Variants in UTRN observed in about 807,000 individuals in gnomAD.
UTRN encodes the protein dystrophin-related protein 1.
A neutral mutation model predicts 463.9 loss-of-function variants in UTRN; 283 were observed. The ratio of observed to expected loss-of-function variants is 0.61; its 90% CI spans 0.55 to 0.67. The LOEUF is 0.67. Among genes scored for constraint, UTRN ranks in the 30% least tolerant of loss-of-function variants. The probability of loss-of-function intolerance (pLI) is 0.00; values close to 1 mark genes in which losing one functional copy is unlikely to be tolerated. For synonymous variants in UTRN, 1,442 were observed against 1,431.5 expected, an observed-to-expected ratio of 1.01 and a Z score of -0.17; for missense variants, 3,922 against 4,084.3, an observed-to-expected ratio of 0.96 and a Z score of 1.08.
intron 53 of UTRN, among the ~76,000 whole-genome samples, chr6:144,703,431 C>T (rs963228459): frequency 6.6e-6 from 1 of 152,038 alleles, no homozygotes; most frequent in Non-Finnish European, 1.5e-5. Flanking sequence ...TATATCAGCC[C>T]TGGGATTGGA....
At chr6:144,823,707 T>C (rs1054735234) in intron 66 of UTRN, among the ~76,000 whole-genome samples, 1 of 152,058 alleles carries the variant, frequency 6.6e-6, no homozygotes, top group African/African-American at 2.4e-5. Flanking sequence ...AATAAATGAG[T>C]AGAGTTTGAT....
intron 34 of UTRN, among the ~76,000 whole-genome samples, chr6:144,509,138 C>A (rs780033766): frequency 1.3e-5 from 2 of 152,010 alleles, no homozygotes; most frequent in Non-Finnish European, 2.9e-5. Flanking sequence ...GAATTGATAT[C>A]TTTGTTATAT....
intron 42 of UTRN, among the ~76,000 whole-genome samples, chr6:144,531,646 A>G (rs1797069814): frequency 6.6e-6 from 1 of 152,170 alleles, no homozygotes; most frequent in Non-Finnish European, 1.5e-5. Flanking sequence ...CTGCTCATGT[A>G]AGTCTAATTC....
intron 51 of UTRN, among the ~76,000 whole-genome samples, chr6:144,604,511 G>T (rs1804612491): frequency 6.6e-6 from 1 of 152,078 alleles, no homozygotes; most frequent in African/African-American, 2.4e-5. Flanking sequence ...TTCAGCTAAT[G>T]GTGTGTTCTT....
intron 15 of UTRN, 94 bp downstream of exon 15, chr6:144,447,412 A>G: frequency 3.0e-6 from 4 of 1,354,256 alleles, no homozygotes; most frequent in Non-Finnish European, 4.1e-6. Context: ...AATGCAGATT[A>G]CAGCTCATTA....
At chr6:144,716,907 G>C (rs755597141) in intron 53 of UTRN, among the ~76,000 whole-genome samples, 6 of 152,118 alleles carry the variant, frequency 3.9e-5, no homozygotes, top group Non-Finnish European at 8.8e-5. Flanking sequence ...CCAGGTGTTG[G>C]AGATTTAAGT....
intron 50 of UTRN, among the ~76,000 whole-genome samples, chr6:144,568,681 C>A (rs1397910866): frequency 8.5e-5 from 13 of 152,100 alleles, no homozygotes; most frequent in Non-Finnish European, 1.9e-4. Flanking sequence ...CTTAATGAAG[C>A]TGAATTTGAA....
At position 144,835,854 on chromosome 6, in the gene UTRN, G is replaced by A; in HGVS notation, c.9740G>A (p.Ser3247Asn). 6.2e-7 allele frequency: 1 copy of A among 1,614,122 alleles called. No individual in the cohort carries two copies. Residue 3247 changes from serine (S) to asparagine (N), a missense_variant, in exon 70 of 75, where the codon AGC (serine) becomes AAC (asparagine). Physicochemically the swap from Ser to Asn is conservative, Grantham distance 46. Coordinates refer to ENST00000367545, the MANE Select transcript of UTRN (RefSeq NM_007124.3). The stretch of plus-strand genomic sequence containing the variant: ...GAGTCCCCAGTGAGCCAGCCGCAGA[G>A]CCCAGCTCAGATCCTGAAGTCAGTA... ...GGESPVSQPQ[S>N]PAQILKSVER...
chr6:144,443,201 C>T (rs1460981950), intron 13 of UTRN, among the ~76,000 whole-genome samples: 7 of 152,192 alleles, frequency 4.6e-5, no homozygotes, highest in Non-Finnish European at 1.0e-4. Context: ...TATGATGCCT[C>T]ATTAAGTGAG....
Position 144,485,376 on chromosome 6 carries a change from A to T in UTRN, c.3688-9A>T. ...CTTTTTGTCTAATTTAAAATTTTTC[A>T]TGCTTTAGGAGGTCTGGTCTTGTTG... On this transcript the variant is annotated splice_polypyrimidine_tract_variant and intron_variant, in intron 27 of 74. Transcript: ENST00000367545. 1 of 1,613,500 alleles carries T rather than the reference A, an allele frequency of 6.2e-7. No individual in the cohort carries two copies. The highest frequency in any genetic ancestry group is 8.5e-7 in the Non-Finnish European group (1 of 1,179,808).
chr6:144,350,132 G>A (rs1271315893), intron 2 of UTRN, among the ~76,000 whole-genome samples: 3 of 152,090 alleles, frequency 2.0e-5, no homozygotes, highest in Non-Finnish European at 4.4e-5. Flanking sequence ...AATTCCTGTG[G>A]CCCTCTGTGT....
chr6:144,305,483 G>C (rs1259330624), intron 2 of UTRN, among the ~76,000 whole-genome samples: 1 of 152,156 alleles, frequency 6.6e-6, no homozygotes, highest in Non-Finnish European at 1.5e-5. Context: ...ATGAAATAAT[G>C]CTGATTTGTG....
intron 3 of UTRN, among the ~76,000 whole-genome samples, chr6:144,419,960 G>A (rs139457795): frequency 0.014 from 1,648 of 121,332 alleles, 17 homozygotes; most frequent in Middle Eastern, 0.026. Context: ...ACACTTGTGC[G>A]CACACAGACA....
intron 47 of UTRN, among the ~76,000 whole-genome samples, chr6:144,550,365 A>G (rs973787988): frequency 2.6e-5 from 4 of 152,196 alleles, no homozygotes; most frequent in Admixed American, 1.3e-4. Context: ...ATTGCTTTCT[A>G]GTCTCTATGA....
chr6:144,412,211 T>C (rs1783957820), intron 3 of UTRN, among the ~76,000 whole-genome samples: 1 of 152,204 alleles, frequency 6.6e-6, no homozygotes, highest in Admixed American at 6.5e-5. Context: ...TATTATTTGT[T>C]TTATGCAGTA....
rs1479180764 is a variant in UTRN, at chr6:144,700,138, A to G, written c.7704A>G (p.Leu2568=). 1.9e-6 allele frequency: 3 copies of G among 1,613,656 alleles called. No individual in the cohort carries two copies. The highest frequency in any genetic ancestry group is 2.5e-6 in the Non-Finnish European group (3 of 1,179,716). The change falls in exon 53 of 75, where the codon TTA becomes TTG. Residue 2568 remains leucine, a synonymous_variant. Coordinates refer to ENST00000367545, the MANE Select transcript of UTRN (RefSeq NM_007124.3). The part of the protein sequence containing the change: ...AEKWNRLLMS[L]EELIKWLNMK... ...AGTGGAACAGGTTGCTGATGTCCTTAGAAGAACTGATCAAATGGCTGAATA... is the reference window on the plus strand; with the variant it reads ...AGTGGAACAGGTTGCTGATGTCCTTGGAAGAACTGATCAAATGGCTGAATA...
chr6:144,650,911 AT>A (rs1418716542), intron 51 of UTRN, among the ~76,000 whole-genome samples: 7 of 148,066 alleles, frequency 4.7e-5, no homozygotes, highest in African/African-American at 7.4e-5. Flanking sequence ...TCTGTCTCAA[AT>A]AATAATAATA....
At chr6:144,564,215 G>A (rs1387403565) in intron 50 of UTRN, among the ~76,000 whole-genome samples, 1 of 152,124 alleles carries the variant, frequency 6.6e-6, no homozygotes, top group Non-Finnish European at 1.5e-5. Flanking sequence ...GGTTGTTTTG[G>A]AGGTAAGAGA....
intron 48 of UTRN, among the ~76,000 whole-genome samples, chr6:144,553,614 T>A (rs988748039): frequency 1.3e-5 from 2 of 152,122 alleles, no homozygotes; most frequent in African/African-American, 4.8e-5. Context: ...CTGAAGTGAT[T>A]AATAAAAAAT....
Sources: gnomAD v4.1 joint callset for allele counts (sites outside exome capture counted in the v4.1 genomes callset) on GRCh38, gnomAD v4.1.1 for gene constraint, MANE v1.5 for transcripts, NCBI Gene and HGNC (gene_info 2026-07-23, HGNC 2026-07-21) for gene names.